SEC16A: variants seen among roughly 807,000 people sequenced by gnomAD.
SEC16A encodes protein transport protein Sec16A.
Under a neutral mutation model 221.9 loss-of-function variants are expected in SEC16A, and 110 were observed. The ratio of observed to expected loss-of-function variants is 0.50; its 90% confidence interval spans 0.42 to 0.58. SEC16A has a LOEUF of 0.58. SEC16A is among the 20% of genes least tolerant of loss of function. The probability of loss-of-function intolerance (pLI) is 0.00; values close to 1 mark genes in which losing one functional copy is unlikely to be tolerated. For missense variants in SEC16A, 3,165 were observed against 3,097.8 expected (o/e 1.02, Z -0.52); for synonymous variants, 1,393 against 1,257.7 (o/e 1.11, Z -2.28).
At position 136,459,303 on chromosome 9, in the gene SEC16A, G is replaced by C. The variant is rs897957475; in HGVS notation, c.5304-64C>G. 6.6e-7 allele frequency: 1 copy of C among 1,513,350 alleles called. No individual in the cohort carries two copies. The highest frequency in any genetic ancestry group is 1.4e-5 in the African/African-American group (1 of 72,952). The allele number at this position is 1,513,350 out of a possible 1,614,324, so 93.7% of individuals were successfully genotyped here. A position where few individuals can be genotyped will look rare whatever the true frequency, so the allele number is the denominator to read the frequency against. ...GCCAATTATTGGCATAGTCAACCTT[G>C]GAGCAAATCATCCAGAAGTGTGTCC... is the stretch of plus-strand genomic sequence containing the variant. On this transcript the variant is annotated intron_variant, in intron 16 of 31. Transcript: ENST00000684901. This position sits in a 1 kb window ranked among gnomAD's most constrained non-coding sequence, Gnocchi z 6.1.
rs752836678 is a variant in SEC16A, at chr9:136,474,358, A to G, written c.3258T>C (p.Ser1086=). ...TCTGGGCCTGTCCCTGTGCGGGCAGACTTTCTGGATTTGACAGCTCCGAAA... is the reference window on the plus strand; with the variant it reads ...TCTGGGCCTGTCCCTGTGCGGGCAGGCTTTCTGGATTTGACAGCTCCGAAA... The part of the protein sequence containing the change: ...AMFSELSNPE[S]LPAQGQAQNS... The change falls in exon 3 of 32, where the codon AGT becomes AGC. Residue 1086 remains serine (S), a synonymous_variant. Coordinates refer to ENST00000684901, the MANE Select transcript of SEC16A (RefSeq NM_014866.2). 2.9e-5 allele frequency: 46 copies of G among 1,612,636 alleles called. 1 individual carries two copies. In the Admixed American group the frequency reaches 4.3e-4, roughly 15 times the overall value.
intron 31 of SEC16A, 146 bp downstream of exon 31, chr9:136,443,677 G>C: frequency 1.7e-6 from 1 of 589,904 alleles, no homozygotes. Context: ...AACAGAGCAA[G>C]ACCCTGTCTC....
chr9:136,457,544 C>T lies in SEC16A; in HGVS notation c.5450G>A (p.Gly1817Glu). ...FIYSCRLAEM[G>E]LATQAFHYCE... ...GTAGTGGAAGGCTTGCGTGGCCAGC[C>T]CCATTTCCGCCAGGCGGCAGGAGTA... is the stretch of plus-strand genomic sequence containing the variant. The change falls in exon 18 of 32, where the codon GGG becomes GAG. Residue 1817 changes from glycine (G) to glutamate (E), a missense_variant. Coordinates refer to ENST00000684901, the MANE Select transcript of SEC16A (RefSeq NM_014866.2). The T allele has an allele frequency of 6.2e-7, 1 of 1,611,032 alleles. No homozygotes were observed. Among genetic ancestry groups the T allele is most frequent in the Non-Finnish European group, 8.5e-7 (1 of 1,178,466 alleles).
intron 22 of SEC16A, among the ~76,000 whole-genome samples, chr9:136,452,282 A>C (rs1397672698): frequency 1.3e-5 from 2 of 149,980 alleles, no homozygotes; most frequent in Non-Finnish European, 3.0e-5. Flanking sequence ...CCCCATCTCT[A>C]CTAAAAATAC....
chr9:136,483,628 G>C (rs1842696041), upstream of SEC16A: 1 of 985,406 alleles, frequency 1.0e-6, no homozygotes, highest in African/African-American at 1.7e-5. Flanking sequence ...TGTGAGAAGA[G>C]ATGGGATTCT....
Position 136,462,997 on chromosome 9 carries a change from A to G in SEC16A, c.4783T>C (p.Ser1595Pro). 1 of 1,610,300 alleles carries G rather than the reference A, an allele frequency of 6.2e-7. No individual in the cohort carries two copies. Among genetic ancestry groups the G allele is most frequent in the Non-Finnish European group, 8.5e-7 (1 of 1,179,712 alleles). The change falls in exon 12 of 32, where the codon TCT (serine) becomes CCT (proline). Residue 1595 changes from serine (S) to proline (P), a missense_variant. Coordinates refer to ENST00000684901, the MANE Select transcript of SEC16A (RefSeq NM_014866.2). ...AGGAAAGAGAGCTGGGCCTCACCAG[A>G]CTCCTCCTCTTCCACCTGCTCCACT... ...EAVEQVEEEE[S>P]GEAQLSFLTG...
rs536646510 is a variant in SEC16A, at chr9:136,462,938, G to A, written c.4842C>T (p.Leu1614=). 15 of 1,604,832 alleles carry A rather than the reference G, an allele frequency of 9.3e-6. No individual in the cohort carries two copies. The highest frequency in any genetic ancestry group is 8.9e-5 in the East Asian group (4 of 44,894). ...CCCTGAACCTCTCGGTCTCTCTCTC[G>A]AGCGAGCTGGCGGCAGCCGCCGGAC... The part of the protein sequence containing the change: ...TGGPAAAASS[L]ERETERFREL... The change falls in exon 12 of 32, where the codon CTC becomes CTT. Residue 1614 remains leucine (L), a synonymous_variant. Transcript: ENST00000684901.
intron 12 of SEC16A, among the ~76,000 whole-genome samples, chr9:136,462,671 C>T (rs1245623150): frequency 6.6e-6 from 1 of 152,218 alleles, no homozygotes; most frequent in African/African-American, 2.4e-5. Context: ...GTCTCCAACA[C>T]TGGAAACAGT....
At chr9:136,463,438 A>C in intron 11 of SEC16A, 25 bp downstream of exon 11, 1 of 1,605,198 alleles carries the variant, frequency 6.2e-7, no homozygotes, top group Non-Finnish European at 8.5e-7. Context: ...AAGAAGAAAC[A>C]CTCTAGAAGT....
chr9:136,449,527 C>T (rs990075386), intron 23 of SEC16A, among the ~76,000 whole-genome samples: 2 of 151,980 alleles, frequency 1.3e-5, no homozygotes, highest in African/African-American at 2.4e-5. Flanking sequence ...GGGTGACAGG[C>T]GTGAGCCGCC....
intron 4 of SEC16A, among the ~76,000 whole-genome samples, chr9:136,469,050 A>G (rs1564514130): frequency 6.6e-6 from 1 of 152,076 alleles, no homozygotes; most frequent in Non-Finnish European, 1.5e-5. Flanking sequence ...GGGTTTCACC[A>G]TGTTGCCGAG....
chr9:136,469,079 G>T (rs976394805), intron 4 of SEC16A, among the ~76,000 whole-genome samples: 5 of 152,038 alleles, frequency 3.3e-5, no homozygotes, highest in African/African-American at 1.2e-4. Flanking sequence ...CGAACACCTG[G>T]GGTCAAGCGA....
At chr9:136,483,815 C>T (rs1842711787), upstream of SEC16A, 1 of 984,998 alleles carries the variant, frequency 1.0e-6, no homozygotes, top group African/African-American at 1.7e-5. Context: ...GCGCATGCGC[C>T]GGGAGCGGCC....
chr9:136,442,664 G>T (rs972433496), intron 31 of SEC16A, among the ~76,000 whole-genome samples: 1 of 152,264 alleles, frequency 6.6e-6, no homozygotes, highest in Non-Finnish European at 1.5e-5. Context: ...GGCCCAAGGG[G>T]GCTGAGGGTG....
In SEC16A at chr9:136,451,298, T is replaced by C; in HGVS notation, c.6270A>G (p.Arg2090=). 1 of 1,613,228 alleles carries C rather than the reference T, an allele frequency of 6.2e-7. No homozygotes were observed. Among genetic ancestry groups the C allele is most frequent in the Non-Finnish European group, 8.5e-7 (1 of 1,179,618 alleles). Residue 2090 remains arginine (R), a synonymous_variant, in exon 23 of 32, where the codon AGA becomes AGG. Coordinates refer to ENST00000684901, the MANE Select transcript of SEC16A (RefSeq NM_014866.2). ...LSLSPAPETK[R]PGQAAKKETK... ...TTTCTTTCTTGGCTGCCTGTCCGGG[T>C]CTCTTTGTTTCGGGAGCGGGTGAGA... is the stretch of plus-strand genomic sequence containing the variant.
Position 136,463,456 on chromosome 9 carries a change from A to C in SEC16A, c.4647+7T>G, listed in dbSNP as rs934854813. ...AAGAAACACTCTAGAAGTAGAAAGA[A>C]ACATACCCCATTTTGTCTGCATAAG... On this transcript the variant is annotated splice_region_variant and intron_variant, in intron 11 of 31. Coordinates refer to ENST00000684901, the MANE Select transcript of SEC16A (RefSeq NM_014866.2). The C allele has an allele frequency of 1.4e-5, 23 of 1,611,980 alleles. No homozygotes were observed. Among genetic ancestry groups the C allele is most frequent in the Non-Finnish European group, 2.0e-5 (23 of 1,178,872 alleles).
At chr9:136,470,825 T>C (rs1203956765) in intron 4 of SEC16A, among the ~76,000 whole-genome samples, 4 of 152,240 alleles carry the variant, frequency 2.6e-5, no homozygotes, top group Non-Finnish European at 5.9e-5. Flanking sequence ...TGAGTAGCTT[T>C]TTCTCTATTA....
At chr9:136,465,714 CAG>C (rs1402307245) in intron 8 of SEC16A, among the ~76,000 whole-genome samples, 1 of 152,182 alleles carries the variant, frequency 6.6e-6, no homozygotes, top group Non-Finnish European at 1.5e-5. Flanking sequence ...GAGCTGTCCT[CAG>C]AGTCACACTT....
chr9:136,451,463 A>G, intron 22 of SEC16A, 55 bp from the exon 23 acceptor site: 3 of 1,526,148 alleles, frequency 2.0e-6, no homozygotes, highest in Non-Finnish European at 2.6e-6. Flanking sequence ...AGGAACCGAA[A>G]GAGAGAGGGG....
Sources: gnomAD v4.1 joint callset for allele counts (sites outside exome capture counted in the v4.1 genomes callset) on GRCh38, gnomAD v4.1.1 for gene constraint, Gnocchi (gnomAD v3.1) non-coding constraint, MANE v1.5 for transcripts, NCBI Gene and HGNC (gene_info 2026-07-23, HGNC 2026-07-21) for gene names.